DENND1B: variants seen among roughly 807,000 people sequenced by gnomAD.
DENND1B encodes the protein DENN domain containing 1B.
In DENND1B, 59 loss-of-function variants were observed where a neutral mutation model predicts 90.1. The ratio of observed to expected loss-of-function variants is 0.65; its 90% CI spans 0.53 to 0.81. The LOEUF (loss-of-function observed/expected upper bound fraction) is 0.81. Ranked by LOEUF, DENND1B falls within the 40% of genes least tolerant of loss-of-function variation. The pLI is 0.00. For missense variants in DENND1B, 862 were observed against 912.6 expected, an observed-to-expected ratio of 0.94 and a Z score of 0.71; for synonymous variants, 337 against 324.6, an observed-to-expected ratio of 1.04 and a Z score of -0.41.
At chr1:197,614,553 T>C (rs970260608) in intron 11 of DENND1B, among the ~76,000 whole-genome samples, 2 of 151,022 alleles carry the variant, frequency 1.3e-5, no homozygotes, top group African/African-American at 4.8e-5. Context: ...TAAATCTTTC[T>C]TTCAATGAAG....
intron 10 of DENND1B, among the ~76,000 whole-genome samples, chr1:197,626,739 A>AG (rs1678777590): frequency 6.6e-6 from 1 of 152,132 alleles, no homozygotes; most frequent in Non-Finnish European, 1.5e-5. Context: ...TGAATCCAGG[A>AG]GCTGGTTTTT....
Position 197,628,230 on chromosome 1 carries a change from C to A in DENND1B, c.673-10471G>T, listed in dbSNP as rs573062000. ...CCCGCATCGCCAAGTCAATCCTAAGCCAAAAGAACAAAGCTGGAGGCATCA... is the reference window on the plus strand; with the variant it reads ...CCCGCATCGCCAAGTCAATCCTAAGACAAAAGAACAAAGCTGGAGGCATCA... On this transcript the variant is annotated intron_variant, in intron 10 of 22. Coordinates refer to ENST00000620048, the MANE Select transcript of DENND1B (RefSeq NM_001195215.2). Among the ~76,000 whole-genome samples the A allele has an allele frequency of 2.0e-5, 3 of 152,218 alleles. No individual in the cohort carries two copies. In the South Asian group the frequency reaches 6.2e-4, roughly 32 times the overall value.
At chr1:197,563,422 C>T (rs544509024) in intron 15 of DENND1B, among the ~76,000 whole-genome samples, 2 of 151,996 alleles carry the variant, frequency 1.3e-5, no homozygotes, top group African/African-American at 2.4e-5. Context: ...TGAGTCTACT[C>T]TGCCTGTGCT....
intron 15 of DENND1B, among the ~76,000 whole-genome samples, chr1:197,565,082 A>T (rs957584576): frequency 6.6e-6 from 1 of 151,970 alleles, no homozygotes; most frequent in Non-Finnish European, 1.5e-5. Context: ...ATCTTTCTTA[A>T]CACTCCAAAA....
At chr1:197,740,315 G>A (rs573014726) in intron 2 of DENND1B, among the ~76,000 whole-genome samples, 1 of 152,154 alleles carries the variant, frequency 6.6e-6, no homozygotes, top group Non-Finnish European at 1.5e-5. Context: ...AAGTGGGAAA[G>A]GATGAGGTTA....
intron 3 of DENND1B, among the ~76,000 whole-genome samples, chr1:197,703,333 A>AG (rs1045658709): frequency 7.8e-5 from 11 of 141,766 alleles, no homozygotes; most frequent in African/African-American, 2.6e-4. Flanking sequence ...AAGAAAGAAC[A>AG]AAAAAAAAAC....
At chr1:197,519,816 T>C (rs1014637077) in intron 20 of DENND1B, among the ~76,000 whole-genome samples, 7 of 151,850 alleles carry the variant, frequency 4.6e-5, no homozygotes, top group African/African-American at 1.7e-4. Context: ...AAGGTAACTA[T>C]TGGTGCATTG....
chr1:197,693,292 C>T (rs1038652654), intron 3 of DENND1B, among the ~76,000 whole-genome samples: 1 of 151,508 alleles, frequency 6.6e-6, no homozygotes, highest in Non-Finnish European at 1.5e-5. Context: ...AAACATGTGA[C>T]TGTGTGTTTA....
intron 18 of DENND1B, among the ~76,000 whole-genome samples, chr1:197,543,133 C>T (rs1386170414): frequency 4.6e-5 from 7 of 151,958 alleles, no homozygotes; most frequent in Non-Finnish European, 2.9e-5. Context: ...TGGGGTTTCA[C>T]CATGTTGGCC....
intron 15 of DENND1B, among the ~76,000 whole-genome samples, chr1:197,571,208 C>T (rs990653841): frequency 1.3e-5 from 2 of 148,860 alleles, no homozygotes; most frequent in African/African-American, 4.9e-5. Flanking sequence ...ACATGGTAAT[C>T]TGGGCAACCT....
chr1:197,694,639 CA>C (rs1332120640), intron 3 of DENND1B, among the ~76,000 whole-genome samples: 3 of 151,402 alleles, frequency 2.0e-5, no homozygotes, highest in African/African-American at 7.3e-5. Context: ...TCACTTTTGA[CA>C]AATGTTTACA....
intron 3 of DENND1B, among the ~76,000 whole-genome samples, chr1:197,701,620 T>C (rs1659040293): frequency 6.6e-6 from 1 of 151,450 alleles, no homozygotes; most frequent in Non-Finnish European, 1.5e-5. Context: ...CCAGAACAGC[T>C]CACATCTGAT....
At chr1:197,759,841 C>T (rs200459063) in intron 2 of DENND1B, among the ~76,000 whole-genome samples, 3 of 151,758 alleles carry the variant, frequency 2.0e-5, no homozygotes, top group East Asian at 3.9e-4. Flanking sequence ...CAAAAGCACC[C>T]TCAATCTACT....
chr1:197,657,210 T>TA (rs373047978), intron 6 of DENND1B, among the ~76,000 whole-genome samples: 4 of 152,282 alleles, frequency 2.6e-5, no homozygotes, highest in African/African-American at 7.2e-5. Context: ...GAAGGACTCT[T>TA]ACGATTCAAC....
rs1222109684 is a variant in DENND1B at position 197,532,286 on chromosome 1, T to C, written c.1515+7678A>G. Among the ~76,000 whole-genome samples, 2 of 10,626 alleles carry C rather than the reference T, an allele frequency of 1.9e-4. 1 individual carries two copies. The highest frequency in any genetic ancestry group is 2.0e-4 in the African/African-American group (2 of 9,874). 7.0% of individuals were successfully genotyped at this position (10,626 alleles called of 152,430 possible). On this transcript the variant is annotated intron_variant, in intron 20 of 22. Transcript: ENST00000620048. Reference sequence around the variant, plus strand: ...GCTCTGAAATTGTGGCAATAATCAATAGTTTACCAACCAAAAAGAGTCCAG... The same window carrying C: ...GCTCTGAAATTGTGGCAATAATCAACAGTTTACCAACCAAAAAGAGTCCAG...
chr1:197,741,898 G>GA (rs1663249474), intron 2 of DENND1B, among the ~76,000 whole-genome samples: 1 of 152,186 alleles, frequency 6.6e-6, no homozygotes, highest in East Asian at 1.9e-4. Flanking sequence ...TATAACTTTG[G>GA]AATCTTAAGT....
At chr1:197,604,489 A>G (rs1206132956) in intron 13 of DENND1B, among the ~76,000 whole-genome samples, 3 of 151,214 alleles carry the variant, frequency 2.0e-5, no homozygotes, top group African/African-American at 7.3e-5. Flanking sequence ...CACAGGAAAA[A>G]AGAACTAGTA....
At chr1:197,703,880 C>T (rs1659273563) in intron 3 of DENND1B, among the ~76,000 whole-genome samples, 1 of 152,074 alleles carries the variant, frequency 6.6e-6, no homozygotes, top group African/African-American at 2.4e-5. Flanking sequence ...GAAAATTGTT[C>T]AACATTTCTT....
chr1:197,730,067 G>A (rs1470140993), intron 2 of DENND1B, among the ~76,000 whole-genome samples: 1 of 151,854 alleles, frequency 6.6e-6, no homozygotes, highest in Non-Finnish European at 1.5e-5. Context: ...GAGAGCCAGA[G>A]GTATATCACA....
Sources: allele counts gnomAD v4.1 joint callset (sites outside exome capture counted in the v4.1 genomes callset), GRCh38; gene constraint gnomAD v4.1.1; transcripts MANE v1.5; gene names NCBI Gene and HGNC (gene_info 2026-07-23, HGNC 2026-07-21).